The following FANCE variants were observed in gnomAD, a reference collection of about 807,000 sequenced individuals.
The protein encoded by FANCE is Fanconi anemia group E protein.
Under a neutral mutation model 57.8 loss-of-function variants are expected in FANCE, and 42 were observed. The ratio of observed to expected loss-of-function variants is 0.73; its 90% confidence interval spans 0.57 to 0.94. The LOEUF (loss-of-function observed/expected upper bound fraction) is 0.94. Among genes scored for constraint, FANCE ranks in the 40% least tolerant of loss-of-function variants. The probability of loss-of-function intolerance (pLI) is 0.00; values close to 1 mark genes in which losing one functional copy is unlikely to be tolerated. For missense variants in FANCE, 608 were observed against 661.8 expected, an observed-to-expected ratio of 0.92 and a Z score of 0.89; for synonymous variants, 251 against 286.4, an observed-to-expected ratio of 0.88 and a Z score of 1.25.
At position 35,458,639 on chromosome 6, in the gene FANCE, CT is replaced by C. The variant is rs1323274711; in HGVS notation, c.1113+215del. Among the ~76,000 whole-genome samples the C allele has an allele frequency of 3.3e-3, 464 of 142,104 alleles. 1 individual carries two copies. Among genetic ancestry groups the C allele is most frequent in the Admixed American group, 6.9e-3 (98 of 14,158 alleles). 93.2% of individuals were successfully genotyped at this position (142,104 alleles called of 152,430 possible). On this transcript the variant is annotated intron_variant, in intron 5 of 9. Transcript: ENST00000229769. Reference sequence around the variant, plus strand: ...GGCCATCTACCCACATGGCATCTAACTTTTTTTTTTTTTTTTGAGAGAGAGT... The same window carrying C: ...GGCCATCTACCCACATGGCATCTAACTTTTTTTTTTTTTTTGAGAGAGAGT...
chr6:35,458,112 G>C, intron 4 of FANCE, 128 bp downstream of exon 4: 1 of 1,207,250 alleles, frequency 8.3e-7, no homozygotes, highest in Non-Finnish European at 1.2e-6. Context: ...CTCTCTCAGC[G>C]ATAGGGGTCA....
chr6:35,465,995 T>C (rs1346316798), intron 9 of FANCE, among the ~76,000 whole-genome samples: 2 of 152,252 alleles, frequency 1.3e-5, no homozygotes, highest in African/African-American at 4.8e-5. Flanking sequence ...TATAAAGTGC[T>C]GCCACATAGT....
intron 9 of FANCE, among the ~76,000 whole-genome samples, chr6:35,463,911 G>A (rs764887909): frequency 2.0e-5 from 3 of 152,142 alleles, no homozygotes; most frequent in South Asian, 4.1e-4. Context: ...TGATCAGCCC[G>A]CCTCGGCCTC....
chr6:35,457,496 C>T lies in FANCE; in HGVS notation c.856-60C>T, dbSNP rs1373698260. Reference sequence around the variant, plus strand: ...CCTTTTCAGTAGGGGGAGCCAGAACCGGGCTTGGGGTCATGCTGCAGGGGG... The same window carrying T: ...CCTTTTCAGTAGGGGGAGCCAGAACTGGGCTTGGGGTCATGCTGCAGGGGG... On this transcript the variant is annotated intron_variant, in intron 2 of 9. Transcript: ENST00000229769. 2.3e-5 allele frequency: 36 copies of T among 1,593,616 alleles called. No individual in the cohort carries two copies. In the South Asian group the frequency reaches 3.2e-4, roughly 14 times the overall value.
Position 35,456,319 on chromosome 6 carries a change from T to C in FANCE, c.821T>C (p.Leu274Pro), listed in dbSNP as rs376591931. Reference sequence around the variant, plus strand: ...TCGAATCTGGATGATGCTAAAGGTCTGGCTGAGAGTTTGGAGTTGCCCAAA... The same window carrying C: ...TCGAATCTGGATGATGCTAAAGGTCCGGCTGAGAGTTTGGAGTTGCCCAAA... ...DGSNLDDAKGLAESLELPKAI... is the reference protein window; with the variant it reads ...DGSNLDDAKGPAESLELPKAI... The change falls in exon 2 of 10, where the codon CTG becomes CCG. Residue 274 changes from leucine (L) to proline (P), a missense_variant. Coordinates refer to ENST00000229769, the MANE Select transcript of FANCE (RefSeq NM_021922.3). This position sits in a 1 kb window ranked among gnomAD's most constrained non-coding sequence, Gnocchi z 4.3. 2 of 1,614,078 alleles carry C rather than the reference T, an allele frequency of 1.2e-6. No homozygotes were observed. The highest frequency in any genetic ancestry group is 2.7e-5 in the African/African-American group (2 of 74,932).
intron 9 of FANCE, among the ~76,000 whole-genome samples, chr6:35,465,385 C>G (rs935682207): frequency 6.6e-6 from 1 of 152,100 alleles, no homozygotes; most frequent in Non-Finnish European, 1.5e-5. Flanking sequence ...ATATGTTGGC[C>G]AGGCTGGTCT....
At chr6:35,459,261 A>G in intron 5 of FANCE, 70 bp from the exon 6 acceptor site, 1 of 1,590,356 alleles carries the variant, frequency 6.3e-7, no homozygotes, top group Non-Finnish European at 8.6e-7. Context: ...ATCATCTGAA[A>G]TGTGCATTTG....
chr6:35,459,908 T>A, intron 7 of FANCE, 148 bp downstream of exon 7: 1 of 701,884 alleles, frequency 1.4e-6, no homozygotes, highest in East Asian at 2.6e-5. Flanking sequence ...TTCTCCTTTA[T>A]GAGTCCTCTT....
At chr6:35,460,661 C>T in intron 8 of FANCE, 43 bp downstream of exon 8, 11 of 1,577,178 alleles carry the variant, frequency 7.0e-6, no homozygotes, top group Non-Finnish European at 9.6e-6. Context: ...AGAAGTGCTG[C>T]AGTCCTTGGA....
At position 35,452,640 on chromosome 6, in the gene FANCE, C is replaced by A. The variant is rs924383249; in HGVS notation, c.95C>A (p.Ala32Glu). ...GCCCCCGCCCGCCTCCTGCTGCAGG[C>A]GCTGCAGGCGGGGCCTGAGGGGGCG... is the stretch of plus-strand genomic sequence containing the variant. The part of the protein sequence containing the change: ...LEAPARLLLQ[A>E]LQAGPEGARR... The change falls in exon 1 of 10, where the codon GCG (alanine) becomes GAG (glutamate). Residue 32 changes from alanine to glutamate, a missense_variant. By Grantham distance (107) the Ala-to-Glu change is moderately radical. Transcript: ENST00000229769. 3.2e-6 allele frequency: 4 copies of A among 1,256,972 alleles called. No individual in the cohort carries two copies. The highest frequency in any genetic ancestry group is 4.0e-6 in the Non-Finnish European group (4 of 1,004,618). The allele number at this position is 1,256,972 out of a possible 1,614,324, so 77.9% of individuals were successfully genotyped here. A position where few individuals can be genotyped will look rare whatever the true frequency, so the allele number is the denominator to read the frequency against.
chr6:35,461,949 G>C (rs1476038675), intron 8 of FANCE, among the ~76,000 whole-genome samples: 2 of 150,308 alleles, frequency 1.3e-5, no homozygotes, highest in Non-Finnish European at 3.0e-5. Context: ...GCCCAGCCCT[G>C]ACCTAACTTC....
Position 35,456,312 on chromosome 6 carries a change from A to G in FANCE, c.814A>G (p.Lys272Glu), listed in dbSNP as rs781237285. 1 of 1,614,156 alleles carries G rather than the reference A, an allele frequency of 6.2e-7. No homozygotes were observed. Among genetic ancestry groups the G allele is most frequent in the South Asian group, 1.1e-5 (1 of 91,082 alleles). ...GGACGGTTCGAATCTGGATGATGCT[A>G]AAGGTCTGGCTGAGAGTTTGGAGTT... ...GEDGSNLDDAKGLAESLELPK... is the reference protein window; with the variant it reads ...GEDGSNLDDAEGLAESLELPK... The change falls in exon 2 of 10, where the codon AAA (lysine) becomes GAA (glutamate). Residue 272 changes from lysine (K) to glutamate (E), a missense_variant. Coordinates refer to ENST00000229769, the MANE Select transcript of FANCE (RefSeq NM_021922.3). This position sits in a 1 kb window ranked among gnomAD's most constrained non-coding sequence, Gnocchi z 4.3.
At position 35,466,336 on chromosome 6, in the gene FANCE, G is replaced by A; in HGVS notation, c.1602G>A (p.Leu534=). ...RKSLKAALKH[L]GP ...CCCTGAAGGCCGCCTTGAAACATTT[G>A]GGCCCCTGACCATCCACCAAGGGAC... Residue 534 remains leucine, a synonymous_variant, in exon 10 of 10, where the codon TTG becomes TTA. Coordinates refer to ENST00000229769, the MANE Select transcript of FANCE (RefSeq NM_021922.3). The A allele has an allele frequency of 1.2e-6, 2 of 1,611,964 alleles. No homozygotes were observed. Among genetic ancestry groups the A allele is most frequent in the African/African-American group, 1.3e-5 (1 of 74,972 alleles).
In FANCE at chr6:35,462,767, C is replaced by T. The variant is rs369651573; in HGVS notation, c.1384-22C>T. 2.2e-5 allele frequency: 35 copies of T among 1,613,898 alleles called. No individual in the cohort carries two copies. The African/African-American group carries it at 3.1e-4, about 14-fold the overall frequency. On this transcript the variant is annotated intron_variant, in intron 8 of 9. Transcript: ENST00000229769. ...GCCCAAGCCTTTCTTGTGATTACTG[C>T]TCCATCTCCCAATGTGTGCAGGTGG...
chr6:35,462,110 A>AATTATT (rs374262698), intron 8 of FANCE, among the ~76,000 whole-genome samples: 9,085 of 115,702 alleles, frequency 0.079, 375 homozygotes, highest in African/African-American at 0.22. Context: ...TAATAATAAT[A>AATTATT]ATTATTATTT....
chr6:35,460,479 G>T, intron 7 of FANCE, 73 bp from the exon 8 acceptor site: 1 of 1,447,888 alleles, frequency 6.9e-7, no homozygotes, highest in Non-Finnish European at 9.7e-7. Context: ...TGCTGTGGGA[G>T]TTGGAGCAGC....
At chr6:35,455,602 C>T (rs74549023) in intron 1 of FANCE, 145 bp from the exon 2 acceptor site, 1 of 987,758 alleles carries the variant, frequency 1.0e-6, no homozygotes, top group Non-Finnish European at 1.6e-6. Context: ...TGAGTCACCA[C>T]ACCTGGCCAA....
At position 35,463,011 on chromosome 6, in the gene FANCE, T is replaced by C. The variant is rs1329748721; in HGVS notation, c.1509+97T>C. On this transcript the variant is annotated intron_variant, in intron 9 of 9. Transcript: ENST00000229769. ...AATATGTATGTCAGGGATAAAACCC[T>C]GAGTGCTGGCCAGGCACGGTGGCTC... 17 of 1,558,206 alleles carry C rather than the reference T, an allele frequency of 1.1e-5. No homozygotes were observed. The Admixed American group carries it at 2.3e-4, about 21-fold the overall frequency.
chr6:35,459,281 G>A (rs375385250), intron 5 of FANCE, 50 bp from the exon 6 acceptor site: 31 of 1,608,846 alleles, frequency 1.9e-5, no homozygotes, highest in Non-Finnish European at 2.6e-5. Flanking sequence ...GATAAATGCT[G>A]TTGAAATGAA....
Sources: gnomAD v4.1 joint callset for allele counts (sites outside exome capture counted in the v4.1 genomes callset) on GRCh38, gnomAD v4.1.1 for gene constraint, Gnocchi (gnomAD v3.1) non-coding constraint, MANE v1.5 for transcripts, NCBI Gene and HGNC (gene_info 2026-07-23, HGNC 2026-07-21) for gene names.